The following CMAS variants were observed in gnomAD, a reference collection of about 807,000 sequenced individuals.
The protein encoded by CMAS is N-acylneuraminate cytidylyltransferase.
In CMAS, 21 loss-of-function variants were observed where a neutral mutation model predicts 53.4. That is an observed-to-expected ratio of 0.39 (90% CI 0.28 to 0.57). The LOEUF (loss-of-function observed/expected upper bound fraction) is 0.57. Ranked by LOEUF, CMAS falls within the 20% of genes least tolerant of loss-of-function variation. The probability of loss-of-function intolerance (pLI) is 0.56; values close to 1 mark genes in which losing one functional copy is unlikely to be tolerated. For synonymous variants in CMAS, 189 were observed against 195.2 expected, an observed-to-expected ratio of 0.97 and a Z score of 0.27; for missense variants, 384 against 534.9, an observed-to-expected ratio of 0.72 and a Z score of 2.78.
intron 3 of CMAS, among the ~76,000 whole-genome samples, chr12:22,058,027 A>T: frequency 6.6e-6 from 1 of 151,564 alleles, no homozygotes; most frequent in Middle Eastern, 3.4e-3. Flanking sequence ...GCGTTTCACT[A>T]TGTTGGCTGG....
chr12:22,055,109 C>A (rs771222826), intron 1 of CMAS, 40 bp from the exon 2 acceptor site: 14 of 1,506,976 alleles, frequency 9.3e-6, no homozygotes, highest in East Asian at 2.4e-5. Flanking sequence ...TTAATGATTT[C>A]TTTTGATTTG....
rs1161057186 is a variant in CMAS, at chr12:22,058,546, ACTCT to A, written c.560-20_560-17del. On this transcript the variant is annotated splice_polypyrimidine_tract_variant and intron_variant, in intron 3 of 7. Coordinates refer to ENST00000229329, the MANE Select transcript of CMAS (RefSeq NM_018686.6). The stretch of plus-strand genomic sequence containing the variant: ...TCTATATTCAGGGCAACGTGGACTT[ACTCT>A]AACTTTTTGCTTTTAGTTCGTGAAG... The A allele has an allele frequency of 8.1e-6, 13 of 1,605,136 alleles. No homozygotes were observed. Among genetic ancestry groups the A allele is most frequent in the Non-Finnish European group, 9.3e-6 (11 of 1,176,528 alleles).
At chr12:22,053,953 G>A (rs918891492) in intron 1 of CMAS, among the ~76,000 whole-genome samples, 29 of 148,954 alleles carry the variant, frequency 1.9e-4, no homozygotes, top group African/African-American at 7.2e-4. Context: ...TTGAGACAGG[G>A]TCTCGCTGTG....
rs1950340774 is a variant in CMAS at position 22,065,402 on chromosome 12, T to A, written c.*91T>A. 1 of 969,538 alleles carries A rather than the reference T, an allele frequency of 1.0e-6. No homozygotes were observed. Among genetic ancestry groups the A allele is most frequent in the Non-Finnish European group, 1.6e-6 (1 of 641,144 alleles). 60.1% of individuals were successfully genotyped at this position (969,538 alleles called of 1,614,324 possible). On this transcript the variant is annotated 3_prime_UTR_variant, in exon 8 of 8. Coordinates refer to ENST00000229329, the MANE Select transcript of CMAS (RefSeq NM_018686.6). ...TTAAGTAAATTCCATGTTGTAATGT[T>A]ACAGAGAGTGTGATTTGGTTTGTGA... is the stretch of plus-strand genomic sequence containing the variant.
rs373903991 is a variant in CMAS, at chr12:22,049,155, T to G, written c.260+2592T>G. On this transcript the variant is annotated intron_variant, in intron 1 of 7. Transcript: ENST00000229329. Reference sequence around the variant, plus strand: ...AGCTCGAAGTTTCATTGTGCCTCATTGGGTACCCTGCTCATTCTTCAACCA... The same window carrying G: ...AGCTCGAAGTTTCATTGTGCCTCATGGGGTACCCTGCTCATTCTTCAACCA... Among the ~76,000 whole-genome samples the G allele has an allele frequency of 1.2e-4, 18 of 152,324 alleles. No homozygotes were observed. The East Asian group carries it at 2.5e-3, about 21-fold the overall frequency.
intron 3 of CMAS, among the ~76,000 whole-genome samples, chr12:22,056,271 T>C (rs1343443305): frequency 6.6e-6 from 1 of 152,262 alleles, no homozygotes; most frequent in Non-Finnish European, 1.5e-5. Flanking sequence ...TGATTGCAAA[T>C]TTCAACATCT....
chr12:22,058,133 A>C (rs1201168136), intron 3 of CMAS, among the ~76,000 whole-genome samples: 3 of 151,336 alleles, frequency 2.0e-5, no homozygotes, highest in Non-Finnish European at 4.4e-5. Context: ...GCCTAAAAAA[A>C]GTTCTTTATC....
chr12:22,046,682 C>T, intron 1 of CMAS, 119 bp downstream of exon 1: 32 of 1,206,318 alleles, frequency 2.7e-5, no homozygotes, highest in Non-Finnish European at 3.5e-5. Flanking sequence ...ATCTCTCATG[C>T]CAGGGATGTG....
chr12:22,055,758 A>T, intron 3 of CMAS, 148 bp downstream of exon 3: 1 of 662,420 alleles, frequency 1.5e-6, no homozygotes. Flanking sequence ...GACATTTACA[A>T]TCAGCTGTAA....
chr12:22,052,714 T>C (rs560183586), intron 1 of CMAS, among the ~76,000 whole-genome samples: 2 of 152,298 alleles, frequency 1.3e-5, no homozygotes, highest in South Asian at 2.1e-4. Context: ...AACATTTTTT[T>C]CCCACTATTT....
chr12:22,057,002 G>T (rs564669242), intron 3 of CMAS, among the ~76,000 whole-genome samples: 8 of 152,256 alleles, frequency 5.3e-5, no homozygotes, highest in African/African-American at 1.9e-4. Context: ...AATAGAGAGA[G>T]TTCTGGTCAC....
intron 3 of CMAS, among the ~76,000 whole-genome samples, chr12:22,057,470 A>G (rs1385727479): frequency 1.3e-5 from 2 of 152,314 alleles, no homozygotes; most frequent in Non-Finnish European, 2.9e-5. Context: ...TATGTTACAT[A>G]AACATTTTCA....
chr12:22,059,017 T>C (rs529828295), intron 4 of CMAS, among the ~76,000 whole-genome samples: 1 of 151,932 alleles, frequency 6.6e-6, no homozygotes, highest in African/African-American at 2.4e-5. Flanking sequence ...GTTTGTGTTA[T>C]AGTTATATTG....
chr12:22,051,586 C>T (rs1950239822), intron 1 of CMAS, among the ~76,000 whole-genome samples: 1 of 152,190 alleles, frequency 6.6e-6, no homozygotes, highest in Non-Finnish European at 1.5e-5. Flanking sequence ...TGCTCATTTT[C>T]TCTTTTGCAT....
intron 3 of CMAS, among the ~76,000 whole-genome samples, chr12:22,057,383 T>G (rs912599543): frequency 4.6e-5 from 7 of 152,296 alleles, no homozygotes; most frequent in African/African-American, 1.4e-4. Context: ...TTACTGAGCC[T>G]TTATTATCAG....
chr12:22,050,716 A>G (rs938769845), intron 1 of CMAS, among the ~76,000 whole-genome samples: 4 of 152,166 alleles, frequency 2.6e-5, no homozygotes, highest in African/African-American at 9.7e-5. Flanking sequence ...GAAGGTGGCC[A>G]TGACAATACA....
At chr12:22,047,213 C>T (rs1186471961) in intron 1 of CMAS, among the ~76,000 whole-genome samples, 1 of 152,136 alleles carries the variant, frequency 6.6e-6, no homozygotes, top group Non-Finnish European at 1.5e-5. Context: ...ACTTACAAAT[C>T]ATTTAATCAT....
At chr12:22,054,730 T>C (rs6487267) in intron 1 of CMAS, among the ~76,000 whole-genome samples, 32,256 of 151,976 alleles carry the variant, frequency 0.21, 4,038 homozygotes, top group East Asian at 0.57. Flanking sequence ...AGTGCCTTTT[T>C]AAAAACGTTT....
At chr12:22,047,869 G>A (rs1764882682) in intron 1 of CMAS, among the ~76,000 whole-genome samples, 1 of 152,202 alleles carries the variant, frequency 6.6e-6, no homozygotes, top group African/African-American at 2.4e-5. Flanking sequence ...AAAAAGGACT[G>A]AGAGAAGTAG....
Sources: gnomAD v4.1 joint callset for allele counts (sites outside exome capture counted in the v4.1 genomes callset) on GRCh38, gnomAD v4.1.1 for gene constraint, MANE v1.5 for transcripts, NCBI Gene and HGNC (gene_info 2026-07-23, HGNC 2026-07-21) for gene names.